The following ERBB4 variants were observed in gnomAD, a reference collection of about 807,000 sequenced individuals.
ERBB4 encodes erb-b2 receptor tyrosine kinase 4.
ERBB4 carries 42 observed loss-of-function variants against 158.0 expected under a neutral mutation model. That is an observed-to-expected ratio of 0.27 (90% CI 0.21 to 0.34). The LOEUF (loss-of-function observed/expected upper bound fraction) is 0.34, where lower values mean the gene tolerates loss of function less well. ERBB4 is among the 10% of genes least tolerant of loss of function. The pLI is 1.00. For missense variants in ERBB4, 1,333 were observed against 1,624.1 expected (o/e 0.82, Z 3.08); for synonymous variants, 583 against 558.7 (o/e 1.04, Z -0.61).
intron 12 of ERBB4, among the ~76,000 whole-genome samples, chr2:211,690,189 A>T (rs1210728225): frequency 6.6e-6 from 1 of 151,938 alleles, no homozygotes; most frequent in Non-Finnish European, 1.5e-5. Flanking sequence ...GGACATTGAC[A>T]AGGTCACAAA....
intron 20 of ERBB4, among the ~76,000 whole-genome samples, chr2:211,508,964 G>C (rs1238712121): frequency 6.6e-6 from 1 of 151,786 alleles, no homozygotes; most frequent in African/African-American, 2.4e-5. Context: ...ACAAAAAAAA[G>C]AAAATGTGTC....
intron 3 of ERBB4, among the ~76,000 whole-genome samples, chr2:211,943,807 C>T (rs1410548136): frequency 6.6e-6 from 1 of 151,942 alleles, no homozygotes; most frequent in African/African-American, 2.4e-5. Context: ...TAAATAAGAT[C>T]TGCAGTAATT....
At chr2:212,134,157 T>C (rs1158048901) in intron 1 of ERBB4, among the ~76,000 whole-genome samples, 1 of 152,116 alleles carries the variant, frequency 6.6e-6, no homozygotes, top group Non-Finnish European at 1.5e-5. Context: ...GACTTGAATA[T>C]TGCAATTTAT....
intron 2 of ERBB4, among the ~76,000 whole-genome samples, chr2:212,058,649 T>G (rs1404103047): frequency 6.6e-6 from 1 of 152,120 alleles, no homozygotes; most frequent in Non-Finnish European, 1.5e-5. Flanking sequence ...CGCAAATCAA[T>G]CAACGTAATA....
intron 2 of ERBB4, among the ~76,000 whole-genome samples, chr2:211,972,539 C>A (rs534197890): frequency 6.6e-6 from 1 of 151,864 alleles, no homozygotes; most frequent in African/African-American, 2.4e-5. Context: ...AGCAAGGTAC[C>A]GGTGAAAAAG....
In ERBB4 at chr2:212,448,649, T is replaced by G. The variant is rs374273829; in HGVS notation, c.82+89800A>C. Among the ~76,000 whole-genome samples the G allele has an allele frequency of 5.9e-5, 9 of 152,188 alleles. No individual in the cohort carries two copies. In the East Asian group the frequency reaches 1.7e-3, roughly 29 times the overall value. ...GGTACATAAACATCAGGCATGGAGA[T>G]TCTATACTGCATCCTAGGAGAAACC... On this transcript the variant is annotated intron_variant, in intron 1 of 27. Transcript: ENST00000342788.
At chr2:211,867,374 G>T (rs1332361507) in intron 3 of ERBB4, among the ~76,000 whole-genome samples, 1 of 152,060 alleles carries the variant, frequency 6.6e-6, no homozygotes, top group African/African-American at 2.4e-5. Context: ...CAAATATATA[G>T]ATCTGCACAA....
intron 25 of ERBB4, among the ~76,000 whole-genome samples, chr2:211,413,493 C>A (rs16846100): frequency 0.24 from 35,885 of 151,968 alleles, 4,888 homozygotes; most frequent in South Asian, 0.53. Flanking sequence ...AAGATACCAC[C>A]ATGTCAAGCC....
intron 3 of ERBB4, among the ~76,000 whole-genome samples, chr2:211,868,594 G>C (rs1360857342): frequency 6.6e-6 from 1 of 152,084 alleles, no homozygotes; most frequent in Non-Finnish European, 1.5e-5. Context: ...GATCATTTTT[G>C]TGTTATTTTG....
intron 1 of ERBB4, among the ~76,000 whole-genome samples, chr2:212,183,690 C>T (rs1487330848): frequency 1.3e-5 from 2 of 151,832 alleles, no homozygotes; most frequent in Non-Finnish European, 2.9e-5. Flanking sequence ...GTAGACTATA[C>T]AAGATGTATA....
chr2:212,028,062 C>G (rs190245647), intron 2 of ERBB4, among the ~76,000 whole-genome samples: 1 of 152,032 alleles, frequency 6.6e-6, no homozygotes, highest in Non-Finnish European at 1.5e-5. Flanking sequence ...TGTTGTCCAG[C>G]AACTAGCAGA....
intron 1 of ERBB4, among the ~76,000 whole-genome samples, chr2:212,456,352 A>G (rs1688287625): frequency 6.6e-6 from 1 of 152,118 alleles, no homozygotes; most frequent in South Asian, 2.1e-4. Flanking sequence ...AAAATATTGC[A>G]TACACTAAAT....
intron 3 of ERBB4, among the ~76,000 whole-genome samples, chr2:211,932,126 A>G (rs2080194238): frequency 6.6e-6 from 1 of 152,054 alleles, no homozygotes; most frequent in South Asian, 2.1e-4. Context: ...TATTGTTTTT[A>G]TAATCTAGAA....
intron 5 of ERBB4, among the ~76,000 whole-genome samples, chr2:211,746,902 A>T (rs1281223686): frequency 1.3e-5 from 2 of 151,990 alleles, no homozygotes; most frequent in East Asian, 1.9e-4. Flanking sequence ...ACCTAAGGAC[A>T]GCAGTGTAGC....
chr2:212,476,599 T>C (rs949320753), intron 1 of ERBB4, among the ~76,000 whole-genome samples: 5 of 152,142 alleles, frequency 3.3e-5, no homozygotes, highest in African/African-American at 7.2e-5. Flanking sequence ...TTTGTTTAGA[T>C]TGTATGTCTC....
At chr2:212,232,533 T>C (rs1160955463) in intron 1 of ERBB4, among the ~76,000 whole-genome samples, 2 of 152,286 alleles carry the variant, frequency 1.3e-5, no homozygotes, top group East Asian at 3.9e-4. Flanking sequence ...CTCTGCCTTC[T>C]GAGTAACTGG....
At chr2:211,709,908 TGTTC>T (rs1212707830) in intron 9 of ERBB4, among the ~76,000 whole-genome samples, 1 of 152,188 alleles carries the variant, frequency 6.6e-6, no homozygotes, top group Non-Finnish European at 1.5e-5. Flanking sequence ...AGTGGTCAGC[TGTTC>T]CTCTGCTTTT....
chr2:212,501,694 C>T (rs889509998), intron 1 of ERBB4, among the ~76,000 whole-genome samples: 31 of 152,258 alleles, frequency 2.0e-4, no homozygotes, highest in African/African-American at 7.2e-4. Context: ...ATTCATCGCC[C>T]ACTGCAATGA....
intron 16 of ERBB4, among the ~76,000 whole-genome samples, chr2:211,638,503 C>A (rs1157608531): frequency 6.6e-6 from 1 of 152,048 alleles, no homozygotes; most frequent in East Asian, 1.9e-4. Flanking sequence ...GTTGACGAGA[C>A]CTGGGGTATT....
Sources: allele counts gnomAD v4.1 joint callset (sites outside exome capture counted in the v4.1 genomes callset), GRCh38; gene constraint gnomAD v4.1.1; transcripts MANE v1.5; gene names NCBI Gene and HGNC (gene_info 2026-07-23, HGNC 2026-07-21).